The following IGSF21 variants were observed in gnomAD, a reference collection of about 807,000 sequenced individuals.
IGSF21 encodes immunoglobin superfamily member 21.
Under a neutral mutation model 46.8 loss-of-function variants are expected in IGSF21, and 28 were observed. The ratio of observed to expected loss-of-function variants is 0.60; its 90% CI spans 0.44 to 0.82. IGSF21 has a LOEUF of 0.82. Among genes scored for constraint, IGSF21 ranks in the 40% least tolerant of loss-of-function variants. IGSF21 has a pLI of 0.00. For missense variants in IGSF21, 624 were observed against 665.5 expected, an observed-to-expected ratio of 0.94 and a Z score of 0.69; for synonymous variants, 284 against 273.6, an observed-to-expected ratio of 1.04 and a Z score of -0.38.
At chr1:18,149,906 A>G (rs1469520874) in intron 1 of IGSF21, among the ~76,000 whole-genome samples, 1 of 152,198 alleles carries the variant, frequency 6.6e-6, no homozygotes, top group Non-Finnish European at 1.5e-5. Context: ...AAGTTTCACC[A>G]TACGCTAATT....
intron 4 of IGSF21, among the ~76,000 whole-genome samples, chr1:18,356,692 A>G (rs547758751): frequency 6.6e-6 from 1 of 152,326 alleles, no homozygotes; most frequent in African/African-American, 2.4e-5. Flanking sequence ...TTGGCCAGAG[A>G]CTGTAACAGT....
chr1:18,345,471 G>A (rs147098145), intron 4 of IGSF21, among the ~76,000 whole-genome samples: 5 of 152,192 alleles, frequency 3.3e-5, no homozygotes, highest in East Asian at 1.9e-4. Context: ...TGCAACCTCC[G>A]CCTCCTGAGT....
At chr1:18,207,718 A>G (rs1461218799) in intron 1 of IGSF21, among the ~76,000 whole-genome samples, 1 of 152,228 alleles carries the variant, frequency 6.6e-6, no homozygotes, top group Non-Finnish European at 1.5e-5. Context: ...AAGGGAGCTC[A>G]GTGCTAAAGG....
At position 18,190,835 on chromosome 1, in the gene IGSF21, A is replaced by G. The variant is rs1330829568; in HGVS notation, c.71-37063A>G. On this transcript the variant is annotated intron_variant, in intron 1 of 9. Coordinates refer to ENST00000251296, the MANE Select transcript of IGSF21 (RefSeq NM_032880.5). Reference sequence around the variant, plus strand: ...GCACAGTGCTTTCTCGGCTGGGCCTAATCACCGGGTGATCTTGGCCTGTGA... The same window carrying G: ...GCACAGTGCTTTCTCGGCTGGGCCTGATCACCGGGTGATCTTGGCCTGTGA... Among the ~76,000 whole-genome samples, 5 of 152,246 alleles carry G rather than the reference A, an allele frequency of 3.3e-5. No individual in the cohort carries two copies. The East Asian group carries it at 5.8e-4, about 18-fold the overall frequency.
At chr1:18,259,428 T>G (rs1170589582) in intron 2 of IGSF21, among the ~76,000 whole-genome samples, 1 of 152,100 alleles carries the variant, frequency 6.6e-6, no homozygotes, top group Non-Finnish European at 1.5e-5. Flanking sequence ...ATAGAACAAA[T>G]CAAGGTCATT....
At chr1:18,376,743 C>A in intron 7 of IGSF21, 57 bp from the exon 8 acceptor site, 1 of 1,513,972 alleles carries the variant, frequency 6.6e-7, no homozygotes, top group Non-Finnish European at 9.0e-7. Context: ...TGACCCCTTG[C>A]TGATCTGGCA....
chr1:18,235,914 G>A (rs2084668675), intron 2 of IGSF21, among the ~76,000 whole-genome samples: 1 of 152,122 alleles, frequency 6.6e-6, no homozygotes, highest in Non-Finnish European at 1.5e-5. Flanking sequence ...TGGTGGTAGT[G>A]GAGATGATGG....
At chr1:18,272,066 G>T (rs988900536) in intron 2 of IGSF21, among the ~76,000 whole-genome samples, 6 of 152,186 alleles carry the variant, frequency 3.9e-5, no homozygotes, top group African/African-American at 1.2e-4. Flanking sequence ...CACGTGGCCA[G>T]GGAAGCCTCA....
chr1:18,305,895 G>A (rs2085421654), intron 3 of IGSF21, among the ~76,000 whole-genome samples: 1 of 152,182 alleles, frequency 6.6e-6, no homozygotes, highest in South Asian at 2.1e-4. Context: ...TAACTTGCTT[G>A]AGGTCACATA....
intron 6 of IGSF21, among the ~76,000 whole-genome samples, chr1:18,369,680 C>A (rs1175502983): frequency 6.6e-6 from 1 of 152,224 alleles, no homozygotes; most frequent in African/African-American, 2.4e-5. Context: ...AAAATCCAAT[C>A]ATTCAACAAG....
At chr1:18,181,086 C>T (rs946758625) in intron 1 of IGSF21, among the ~76,000 whole-genome samples, 1 of 152,208 alleles carries the variant, frequency 6.6e-6, no homozygotes, top group East Asian at 1.9e-4. Context: ...CCAGGCTTCC[C>T]ACCAGGGAAG....
intron 1 of IGSF21, among the ~76,000 whole-genome samples, chr1:18,150,297 C>T (rs1419173270): frequency 1.3e-5 from 2 of 152,186 alleles, no homozygotes; most frequent in Admixed American, 6.5e-5. Flanking sequence ...TCTGCTGCCA[C>T]GTGCTCTAAG....
At chr1:18,264,626 A>G (rs2084974730) in intron 2 of IGSF21, among the ~76,000 whole-genome samples, 2 of 152,122 alleles carry the variant, frequency 1.3e-5, no homozygotes, top group East Asian at 1.9e-4. Flanking sequence ...AGGCCTTGTT[A>G]TTTCCTTAAC....
At chr1:18,263,255 C>T (rs951785438) in intron 2 of IGSF21, among the ~76,000 whole-genome samples, 2 of 152,146 alleles carry the variant, frequency 1.3e-5, no homozygotes, top group Non-Finnish European at 2.9e-5. Flanking sequence ...GAGCCAGTTT[C>T]GGGAAGGACT....
At chr1:18,223,392 G>A (rs1032185649) in intron 1 of IGSF21, among the ~76,000 whole-genome samples, 1 of 152,206 alleles carries the variant, frequency 6.6e-6, no homozygotes, top group African/African-American at 2.4e-5. Context: ...CCATCAAGTA[G>A]TATGTTCTGC....
intron 1 of IGSF21, among the ~76,000 whole-genome samples, chr1:18,207,488 T>A (rs2084341571): frequency 6.6e-6 from 1 of 152,228 alleles, no homozygotes; most frequent in African/African-American, 2.4e-5. Context: ...TCTGGGTATG[T>A]GGAAGACTCT....
intron 1 of IGSF21, among the ~76,000 whole-genome samples, chr1:18,199,268 G>C (rs1475828335): frequency 6.6e-6 from 1 of 152,086 alleles, no homozygotes; most frequent in Non-Finnish European, 1.5e-5. Flanking sequence ...CCCAGGGGAT[G>C]TGTTTCAGTG....
At chr1:18,285,403 G>A (rs1309938535) in intron 2 of IGSF21, among the ~76,000 whole-genome samples, 1 of 152,084 alleles carries the variant, frequency 6.6e-6, no homozygotes, top group Non-Finnish European at 1.5e-5. Context: ...TTGGGGTCAG[G>A]GGGCAGTCAG....
chr1:18,128,144 G>T (rs1208924848), intron 1 of IGSF21, among the ~76,000 whole-genome samples: 1 of 152,158 alleles, frequency 6.6e-6, no homozygotes, highest in Non-Finnish European at 1.5e-5. Flanking sequence ...TGTGTGCCTG[G>T]GAGGTGGTTC....
Sources: gnomAD v4.1 joint callset for allele counts (sites outside exome capture counted in the v4.1 genomes callset) on GRCh38, gnomAD v4.1.1 for gene constraint, MANE v1.5 for transcripts, NCBI Gene and HGNC (gene_info 2026-07-23, HGNC 2026-07-21) for gene names.